SYT14: variants seen among roughly 807,000 people sequenced by gnomAD.
SYT14 encodes synaptotagmin-14.
A neutral mutation model predicts 74.2 loss-of-function variants in SYT14; 32 were observed. The ratio of observed to expected loss-of-function variants is 0.43; its 90% confidence interval spans 0.33 to 0.58. The LOEUF (loss-of-function observed/expected upper bound fraction) is 0.58. Ranked by LOEUF, SYT14 falls within the 20% of genes least tolerant of loss-of-function variation. The pLI is 0.05. For synonymous variants in SYT14, 298 were observed against 337.7 expected (o/e 0.88, Z 1.29); for missense variants, 791 against 981.8 (o/e 0.81, Z 2.60).
chr1:210,053,292 T>G (rs1374126092), intron 5 of SYT14, among the ~76,000 whole-genome samples: 1 of 152,210 alleles, frequency 6.6e-6, no homozygotes, highest in Admixed American at 6.5e-5. Context: ...AAGAGAAGAT[T>G]AACGTCTTTC....
intron 2 of SYT14, among the ~76,000 whole-genome samples, chr1:210,003,744 C>T (rs1335563015): frequency 6.6e-6 from 1 of 152,120 alleles, no homozygotes; most frequent in African/African-American, 2.4e-5. Context: ...TTAACTTGCT[C>T]TCTTTAAGCC....
chr1:210,070,634 A>G (rs1572247246), intron 5 of SYT14, among the ~76,000 whole-genome samples: 2 of 152,124 alleles, frequency 1.3e-5, no homozygotes, highest in East Asian at 3.8e-4. Context: ...TGCCTGGCAC[A>G]AAATAGGTCT....
intron 4 of SYT14, among the ~76,000 whole-genome samples, chr1:210,018,868 T>C (rs2080242196): frequency 6.6e-6 from 1 of 152,088 alleles, no homozygotes; most frequent in Admixed American, 6.5e-5. Context: ...CCAGGCACGG[T>C]GGCTCACGCC....
chr1:210,088,240 T>A (rs1487753565), intron 5 of SYT14, among the ~76,000 whole-genome samples: 6 of 151,844 alleles, frequency 4.0e-5, no homozygotes. Context: ...GGGATACATG[T>A]GCAGAACATG....
chr1:210,059,456 A>AGAGG (rs2081167712), intron 5 of SYT14, among the ~76,000 whole-genome samples: 1 of 131,440 alleles, frequency 7.6e-6, no homozygotes, highest in Non-Finnish European at 1.6e-5. Context: ...ATATATAGAG[A>AGAGG]GAGAGAGAGA....
At chr1:210,142,867 A>G (rs1018877096) in intron 7 of SYT14, among the ~76,000 whole-genome samples, 1 of 152,212 alleles carries the variant, frequency 6.6e-6, no homozygotes, top group Non-Finnish European at 1.5e-5. Flanking sequence ...CATTATGGAA[A>G]TATAGTGATC....
At chr1:210,062,199 G>A (rs2081218267) in intron 5 of SYT14, among the ~76,000 whole-genome samples, 1 of 151,822 alleles carries the variant, frequency 6.6e-6, no homozygotes. Context: ...ATGTAAACAT[G>A]TTCTGAATTT....
At chr1:210,120,749 A>G (rs576335796) in intron 7 of SYT14, among the ~76,000 whole-genome samples, 41 of 152,234 alleles carry the variant, frequency 2.7e-4, no homozygotes, top group African/African-American at 9.6e-4. Flanking sequence ...AGAGAATAAG[A>G]TATATTTTAC....
intron 2 of SYT14, chr1:209,953,036 G>T (rs1465308084): frequency 1.4e-6 from 2 of 1,392,076 alleles, no homozygotes; most frequent in Non-Finnish European, 1.9e-6. Flanking sequence ...TGGAGGGTTT[G>T]ATTTTTGTTC....
chr1:209,959,606 CAGAG>C (rs1454410295), intron 2 of SYT14, among the ~76,000 whole-genome samples: 1 of 152,084 alleles, frequency 6.6e-6, no homozygotes, highest in African/African-American at 2.4e-5. Context: ...ACCTTGCCAA[CAGAG>C]AAAGAAACCA....
chr1:210,111,784 G>T (rs1480846426), intron 7 of SYT14, among the ~76,000 whole-genome samples: 1 of 151,348 alleles, frequency 6.6e-6, no homozygotes, highest in Non-Finnish European at 1.5e-5. Context: ...ACTAAGAATT[G>T]GGAGGACCCA....
At chr1:209,980,814 T>G (rs1239035615) in intron 2 of SYT14, among the ~76,000 whole-genome samples, 1 of 152,200 alleles carries the variant, frequency 6.6e-6, no homozygotes, top group Non-Finnish European at 1.5e-5. Context: ...ATGTGTCTGT[T>G]CTTGTACCAG....
exon 10 of SYT14, chr1:210,167,681 T>A (rs2083470228): frequency 6.6e-6 from 1 of 152,222 alleles, no homozygotes; most frequent in Non-Finnish European, 1.5e-5. Context: ...TCACTGTGTT[T>A]GATTTGGTGA....
At chr1:210,009,637 A>T (rs1446285990) in intron 2 of SYT14, among the ~76,000 whole-genome samples, 1 of 152,122 alleles carries the variant, frequency 6.6e-6, no homozygotes, top group African/African-American at 2.4e-5. Flanking sequence ...GAAGTGTTTC[A>T]TATGGAATAA....
exon 10 of SYT14, chr1:210,169,123 G>A (rs1487278625): frequency 6.7e-6 from 1 of 149,256 alleles, no homozygotes; most frequent in Non-Finnish European, 1.5e-5. Context: ...AATTTCACAT[G>A]TTGCTGTAAC....
exon 1 of SYT14, chr1:209,938,229 C>T (rs200959890): frequency 1.3e-6 from 2 of 1,528,122 alleles, no homozygotes; most frequent in African/African-American, 1.4e-5. Flanking sequence ...CTGCTGCCCC[C>T]GCCATCCAGT....
At chr1:209,938,775 C>T (rs978875819) in intron 1 of SYT14, among the ~76,000 whole-genome samples, 36 of 152,202 alleles carry the variant, frequency 2.4e-4, no homozygotes, top group African/African-American at 7.9e-4. Context: ...CTTCCCTGTG[C>T]CCGCTCGGGC....
At chr1:210,151,511 C>G (rs1250535939) in intron 7 of SYT14, among the ~76,000 whole-genome samples, 1 of 139,586 alleles carries the variant, frequency 7.2e-6, no homozygotes, top group African/African-American at 3.0e-5. Flanking sequence ...AATGCCCCCC[C>G]CCTTTTTTTT....
intron 2 of SYT14, among the ~76,000 whole-genome samples, chr1:209,988,111 G>T (rs1365272752): frequency 6.6e-6 from 1 of 152,022 alleles, no homozygotes; most frequent in African/African-American, 2.4e-5. Context: ...ACTTGAAGTT[G>T]TTCCACAATT....
Sources: allele counts gnomAD v4.1 joint callset (sites outside exome capture counted in the v4.1 genomes callset), GRCh38; gene constraint gnomAD v4.1.1; transcripts MANE v1.5; gene names NCBI Gene and HGNC (gene_info 2026-07-23, HGNC 2026-07-21).